Variants in IDH3B observed in about 807,000 individuals in gnomAD.
The protein encoded by IDH3B is isocitrate dehydrogenase (NAD(+)) 3 non-catalytic subunit beta, also known as isocitrate dehydrogenase [NAD] subunit beta, mitochondrial.
Under a neutral mutation model 47.5 loss-of-function variants are expected in IDH3B, and 40 were observed. The observed-to-expected ratio is 0.84, with a 90% confidence interval of 0.65 to 1.10. The LOEUF (loss-of-function observed/expected upper bound fraction) is 1.10, where lower values mean the gene tolerates loss of function less well. IDH3B is among the 50% of genes least tolerant of loss of function. The pLI, the probability that IDH3B is intolerant of heterozygous loss-of-function variation, is 0.00. For missense variants in IDH3B, 450 were observed against 505.2 expected (o/e 0.89, Z 1.05); for synonymous variants, 185 against 191.0 (o/e 0.97, Z 0.26).
chr20:2,663,244 C>T (rs1297165049), intron 4 of IDH3B, among the ~76,000 whole-genome samples: 1 of 152,056 alleles, frequency 6.6e-6, no homozygotes, highest in Non-Finnish European at 1.5e-5. Flanking sequence ...AGACTCAGAA[C>T]CCCTGGAACT....
At chr20:2,664,098 G>A (rs2087003976) in intron 1 of IDH3B, 55 bp downstream of exon 1, 16 of 1,608,214 alleles carry the variant, frequency 9.9e-6, no homozygotes, top group Non-Finnish European at 1.2e-5. Flanking sequence ...GGAAACCCTA[G>A]GACAAACTCT....
In IDH3B at chr20:2,662,682, T is replaced by C. The variant is rs144318455; in HGVS notation, c.337+764A>G. Among the ~76,000 whole-genome samples, 67 of 151,968 alleles carry C rather than the reference T, an allele frequency of 4.4e-4. No individual in the cohort carries two copies. The East Asian group carries it at 0.012, about 28-fold the overall frequency. On this transcript the variant is annotated intron_variant, in intron 4 of 11. Transcript: ENST00000380843. ...AAAAATACAAAAATTAGCCTGGGCA[T>C]GGTGGCTCACACTTGTAATCCCAGC...
At chr20:2,659,415 G>A in intron 11 of IDH3B, 110 bp downstream of exon 11, 1 of 1,534,412 alleles carries the variant, frequency 6.5e-7, no homozygotes, top group Non-Finnish European at 9.0e-7. Context: ...ATGTTCTGGG[G>A]ACCTGGGGGG....
chr20:2,661,293 T>G (rs1165736799), intron 4 of IDH3B, among the ~76,000 whole-genome samples: 3 of 151,766 alleles, frequency 2.0e-5, no homozygotes, highest in Non-Finnish European at 4.4e-5. Context: ...GCCTCCCAGG[T>G]TCAAGCAATT....
In IDH3B at chr20:2,663,686, T is replaced by G. The variant is rs775917325; in HGVS notation, c.190A>C (p.Met64Leu). 6.2e-7 allele frequency: 1 copy of G among 1,614,124 alleles called. No individual in the cohort carries two copies. Among genetic ancestry groups the G allele is most frequent in the South Asian group, 1.1e-5 (1 of 91,080 alleles). ...LPGDGVGPEL[M>L]HAVKEVFKAA... ...TTGAACACCTCCTTGACGGCGTGCA[T>G]CAGCTCAGGCCCCACACCGTCTCCC... The change falls in exon 3 of 12, where the codon ATG becomes CTG. Residue 64 changes from methionine to leucine, a missense_variant. Met to Leu is a conservative substitution (Grantham distance 15). Coordinates refer to ENST00000380843, the MANE Select transcript of IDH3B (RefSeq NM_006899.5).
Position 2,660,666 on chromosome 20 carries a change from C to T in IDH3B, c.531+31G>A, listed in dbSNP as rs55899306. 3.2e-3 allele frequency: 5,199 copies of T among 1,614,194 alleles called. 27 individuals carry two copies. The highest frequency in any genetic ancestry group is 9.4e-3 in the Middle Eastern group (57 of 6,062). ...AGCTCCACCTCTCTCCCATCTTCAT[C>T]CTTGCCCTCCCCCAGTTTCTGGGGC... On this transcript the variant is annotated intron_variant, in intron 6 of 11. Transcript: ENST00000380843. The surrounding 1 kb of genome is among the most constrained non-coding windows in gnomAD (Gnocchi z 5.6).
At chr20:2,661,442 C>G (rs968316057) in intron 4 of IDH3B, among the ~76,000 whole-genome samples, 2 of 152,230 alleles carry the variant, frequency 1.3e-5, no homozygotes, top group African/African-American at 4.8e-5. Flanking sequence ...AAGTGATCCA[C>G]CCGCCCCGGC....
chr20:2,661,473 C>T (rs1333204978), intron 4 of IDH3B, among the ~76,000 whole-genome samples: 1 of 152,158 alleles, frequency 6.6e-6, no homozygotes, highest in Admixed American at 6.5e-5. Context: ...TATTTTTAGT[C>T]AACATATTTA....
chr20:2,663,887 A>G (rs1216951230), intron 2 of IDH3B, 38 bp downstream of exon 2: 5 of 1,605,558 alleles, frequency 3.1e-6, no homozygotes, highest in Non-Finnish European at 4.3e-6. Context: ...AGGAAGGGAC[A>G]GGGTCGTAAG....
rs890520497 is a variant in IDH3B, at chr20:2,658,844, C to T, written c.1072-7G>A. ...CCATGTCTCGAGTCCGCACCTACAGCCACCACCGGCAACAGCCGTGGGGAG... is the reference window on the plus strand; with the variant it reads ...CCATGTCTCGAGTCCGCACCTACAGTCACCACCGGCAACAGCCGTGGGGAG... On this transcript the variant is annotated splice_polypyrimidine_tract_variant and splice_region_variant and intron_variant, in intron 11 of 11. Transcript: ENST00000380843. 6.8e-6 allele frequency: 11 copies of T among 1,614,080 alleles called. No individual in the cohort carries two copies. The highest frequency in any genetic ancestry group is 9.3e-6 in the Non-Finnish European group (11 of 1,180,034).
At position 2,658,816 on chromosome 20, in the gene IDH3B, C is replaced by G. The variant is rs771224537; in HGVS notation, c.1093G>C (p.Gly365Arg). The G allele has an allele frequency of 1.2e-6, 2 of 1,614,100 alleles. No homozygotes were observed. Among genetic ancestry groups the G allele is most frequent in the East Asian group, 4.5e-5 (2 of 44,880 alleles). The change falls in exon 12 of 12, where the codon GGC becomes CGC. Residue 365 changes from glycine to arginine, a missense_variant. Coordinates refer to ENST00000380843, the MANE Select transcript of IDH3B (RefSeq NM_006899.5). Reference sequence around the variant, plus strand: ...ATGAAGTCGGTTGTGGTGCTGTAGCCGCCCATGTCTCGAGTCCGCACCTAC... The same window carrying G: ...ATGAAGTCGGTTGTGGTGCTGTAGCGGCCCATGTCTCGAGTCCGCACCTAC... ...VGKVRTRDMGGYSTTTDFIKS... is the reference protein window; with the variant it reads ...VGKVRTRDMGRYSTTTDFIKS...
chr20:2,660,999 C>A lies in IDH3B; in HGVS notation c.338-30G>T. ...GAAAACAAAGTGGGAAAAGGAGTGT[C>A]AGCCACAGGCCAAGCCCAAGGGAAC... On this transcript the variant is annotated intron_variant, in intron 4 of 11. Coordinates refer to ENST00000380843, the MANE Select transcript of IDH3B (RefSeq NM_006899.5). This position sits in a 1 kb window ranked among gnomAD's most constrained non-coding sequence, Gnocchi z 5.6. The A allele has an allele frequency of 6.2e-7, 1 of 1,606,172 alleles. No homozygotes were observed. The highest frequency in any genetic ancestry group is 1.1e-5 in the South Asian group (1 of 90,770).
chr20:2,663,888 G>T, intron 2 of IDH3B, 37 bp downstream of exon 2: 1 of 1,608,168 alleles, frequency 6.2e-7, no homozygotes, highest in Non-Finnish European at 8.5e-7. Context: ...GGAAGGGACA[G>T]GGTCGTAAGA....
At position 2,664,039 on chromosome 20, in the gene IDH3B, C is replaced by T. The variant is rs6107100; in HGVS notation, c.37-34G>A. 5.6e-6 allele frequency: 9 copies of T among 1,612,964 alleles called. No individual in the cohort carries two copies. In the East Asian group the frequency reaches 2.0e-4, roughly 36 times the overall value. Reference sequence around the variant, plus strand: ...GGGACACACAAGCCTGTAAGGTCAGCTTTGAGACATCCAGACCCCGAACAC... The same window carrying T: ...GGGACACACAAGCCTGTAAGGTCAGTTTTGAGACATCCAGACCCCGAACAC... On this transcript the variant is annotated intron_variant, in intron 1 of 11. Coordinates refer to ENST00000380843, the MANE Select transcript of IDH3B (RefSeq NM_006899.5).
rs760684383 is a variant in IDH3B at position 2,664,018 on chromosome 20, C to T, written c.37-13G>A. ...CGGAGACCAGCGCCTGCAACAGGGA[C>T]ACACAAGCCTGTAAGGTCAGCTTTG... On this transcript the variant is annotated splice_polypyrimidine_tract_variant and intron_variant, in intron 1 of 11. Coordinates refer to ENST00000380843, the MANE Select transcript of IDH3B (RefSeq NM_006899.5). 8 of 1,613,686 alleles carry T rather than the reference C, an allele frequency of 5.0e-6. No homozygotes were observed. Among genetic ancestry groups the T allele is most frequent in the Middle Eastern group, 1.6e-4 (1 of 6,082 alleles).
At chr20:2,662,453 T>C (rs1264209925) in intron 4 of IDH3B, among the ~76,000 whole-genome samples, 2 of 152,092 alleles carry the variant, frequency 1.3e-5, no homozygotes, top group African/African-American at 4.8e-5. Context: ...AGAAGAGATA[T>C]GGAAGATGAA....
chr20:2,663,316 T>C lies in IDH3B; in HGVS notation c.337+130A>G, dbSNP rs143957626. ...TGGGCTCCCAATGGGAAGGAACAAA[T>C]GTCCAAATACCAATGGTGGTTGCCC... is the stretch of plus-strand genomic sequence containing the variant. On this transcript the variant is annotated intron_variant, in intron 4 of 11. Coordinates refer to ENST00000380843, the MANE Select transcript of IDH3B (RefSeq NM_006899.5). 3.9e-3 allele frequency: 4,443 copies of C among 1,135,938 alleles called. 13 individuals are homozygous for C. The highest frequency in any genetic ancestry group is 5.3e-3 in the Non-Finnish European group (4,041 of 756,410). 70.4% of individuals were successfully genotyped at this position (1,135,938 alleles called of 1,614,324 possible).
intron 11 of IDH3B, chr20:2,659,202 T>A: frequency 1.5e-6 from 2 of 1,334,190 alleles, no homozygotes; most frequent in Non-Finnish European, 1.9e-6. Context: ...TGCTTCAGCC[T>A]GCCTGTATCC....
intron 4 of IDH3B, among the ~76,000 whole-genome samples, chr20:2,662,680 C>G (rs991971667): frequency 6.6e-6 from 1 of 152,022 alleles, no homozygotes. Flanking sequence ...TTAGCCTGGG[C>G]ATGGTGGCTC....
Sources: allele counts gnomAD v4.1 joint callset (sites outside exome capture counted in the v4.1 genomes callset), GRCh38; gene constraint gnomAD v4.1.1; non-coding constraint Gnocchi (gnomAD v3.1); transcripts MANE v1.5; gene names NCBI Gene and HGNC (gene_info 2026-07-23, HGNC 2026-07-21).